CTXND2: variants seen among roughly 807,000 people sequenced by gnomAD.
CTXND2 encodes the protein cortexin domain containing 2.
At chr1:150,890,935 G>C (rs1316189913) in intron 1 of CTXND2, among the ~76,000 whole-genome samples, 2 of 151,968 alleles carry the variant, frequency 1.3e-5, no homozygotes, top group African/African-American at 2.4e-5. Context: ...CTCTTTTCTT[G>C]TTCCAAATAG....
chr1:150,897,343 C>T (rs72704672), intron 1 of CTXND2, among the ~76,000 whole-genome samples: 7,943 of 152,152 alleles, frequency 0.052, 281 homozygotes, highest in Middle Eastern at 0.085. Flanking sequence ...TGGAAATAGG[C>T]CCAAAAGGGG....
chr1:150,900,870 G>A (rs755415885), intron 1 of CTXND2, among the ~76,000 whole-genome samples: 7 of 152,138 alleles, frequency 4.6e-5, no homozygotes, highest in African/African-American at 1.4e-4. Flanking sequence ...GGTGGCTCAC[G>A]CCTGTAATCC....
chr1:150,892,718 T>C (rs375082178), intron 1 of CTXND2, among the ~76,000 whole-genome samples: 12 of 152,072 alleles, frequency 7.9e-5, no homozygotes, highest in African/African-American at 2.7e-4. Context: ...TTTGTAGTTT[T>C]TGTAGAGATG....
rs199515058 is a variant in CTXND2, at chr1:150,901,924, TA to T, written c.-73-10305del. Among the ~76,000 whole-genome samples, 1,355 of 141,524 alleles carry T rather than the reference TA, an allele frequency of 9.6e-3. 5 individuals carry two copies. The highest frequency in any genetic ancestry group is 0.022 in the East Asian group (108 of 4,890). The allele number at this position is 141,524 out of a possible 152,430, so 92.8% of individuals were successfully genotyped here. ...CTGGGCGACAGAGTGAGATTCCATC[TA>T]AAAAAAAAAAAATAAATTCAATGGG... is the stretch of plus-strand genomic sequence containing the variant. On this transcript the variant is annotated intron_variant, in intron 1 of 1. Transcript: ENST00000636087.
chr1:150,888,917 T>C (rs1294935554), intron 1 of CTXND2, among the ~76,000 whole-genome samples: 1 of 151,828 alleles, frequency 6.6e-6, no homozygotes, highest in Non-Finnish European at 1.5e-5. Context: ...TTGCCCAGAC[T>C]GGTCTCGAAT....
intron 1 of CTXND2, among the ~76,000 whole-genome samples, chr1:150,909,589 A>C (rs1277239594): frequency 1.3e-5 from 2 of 152,114 alleles, no homozygotes; most frequent in Non-Finnish European, 2.9e-5. Context: ...GATGAAGTCC[A>C]GTTTCTCTCT....
At chr1:150,887,470 A>T (rs933014424) in intron 1 of CTXND2, among the ~76,000 whole-genome samples, 157 bp downstream of exon 1, 1 of 141,834 alleles carries the variant, frequency 7.1e-6, no homozygotes, top group Non-Finnish European at 1.6e-5. Flanking sequence ...TATTATTATT[A>T]TTTTTAGAGG....
exon 2 of CTXND2, chr1:150,913,144 ATAAATTCATCCT>A (rs2102606715): frequency 6.6e-6 from 1 of 152,300 alleles, no homozygotes; most frequent in South Asian, 2.1e-4. Flanking sequence ...GAATCTCAAG[ATAAATTCATCCT>A]GAATTATCTA....
At chr1:150,889,992 T>C (rs1440860755) in intron 1 of CTXND2, among the ~76,000 whole-genome samples, 2 of 152,040 alleles carry the variant, frequency 1.3e-5, no homozygotes, top group Admixed American at 6.6e-5. Flanking sequence ...TGCTTCCCGA[T>C]ACCTGAAAGA....
chr1:150,904,228 C>T (rs911508431), intron 1 of CTXND2: 8 of 593,206 alleles, frequency 1.3e-5, no homozygotes, highest in Admixed American at 1.9e-5. Flanking sequence ...TGGCCACTGC[C>T]TTATTTATTA....
chr1:150,903,866 T>A (rs1048658177), intron 1 of CTXND2: 1 of 566,848 alleles, frequency 1.8e-6, no homozygotes, highest in Non-Finnish European at 3.4e-6. Context: ...GTAACCTACG[T>A]TGCACCAGTG....
chr1:150,904,342 T>C, intron 1 of CTXND2: 1 of 340,044 alleles, frequency 2.9e-6, no homozygotes, highest in Non-Finnish European at 5.7e-6. Flanking sequence ...TGTCGGACAG[T>C]CCTGATTTAA....
chr1:150,898,331 A>G (rs1175997579), intron 1 of CTXND2, among the ~76,000 whole-genome samples: 7 of 152,124 alleles, frequency 4.6e-5, no homozygotes, highest in African/African-American at 7.2e-5. Flanking sequence ...CTCTAGCCAC[A>G]TTCTGTTAAA....
At chr1:150,902,160 G>A (rs587774113) in intron 1 of CTXND2, among the ~76,000 whole-genome samples, 1 of 152,100 alleles carries the variant, frequency 6.6e-6, no homozygotes, top group East Asian at 1.9e-4. Context: ...CCAGCACTTT[G>A]GGGGGCAGAG....
intron 1 of CTXND2, among the ~76,000 whole-genome samples, chr1:150,892,343 C>A (rs1319562577): frequency 6.6e-6 from 1 of 152,032 alleles, no homozygotes; most frequent in Non-Finnish European, 1.5e-5. Flanking sequence ...ACCAACAATA[C>A]CCACTGTGTT....
intron 1 of CTXND2, among the ~76,000 whole-genome samples, chr1:150,888,219 ATT>A (rs35992777): frequency 1.3e-5 from 1 of 75,136 alleles, no homozygotes. Flanking sequence ...TACCTAATTT[ATT>A]TTTTTTTTTT....
Position 150,893,971 on chromosome 1 carries a change from G to A in CTXND2, c.-74+6658G>A, listed in dbSNP as rs183128707. Among the ~76,000 whole-genome samples, 255 of 144,504 alleles carry A rather than the reference G, an allele frequency of 1.8e-3. 2 individuals carry two copies. Among genetic ancestry groups the A allele is most frequent in the Middle Eastern group, 7.3e-3 (2 of 274 alleles). 94.8% of individuals were successfully genotyped at this position (144,504 alleles called of 152,430 possible). Reference sequence around the variant, plus strand: ...ATATTAACATAGGTGTTTTATATTAGTATCTTTTTTTTCTTTTTTTTTAAC... The same window carrying A: ...ATATTAACATAGGTGTTTTATATTAATATCTTTTTTTTCTTTTTTTTTAAC... On this transcript the variant is annotated intron_variant, in intron 1 of 1. Coordinates refer to ENST00000636087, the Ensembl canonical transcript of CTXND2.
chr1:150,911,799 A>G (rs1249858137), intron 1 of CTXND2, among the ~76,000 whole-genome samples: 2 of 152,208 alleles, frequency 1.3e-5, no homozygotes, highest in Non-Finnish European at 2.9e-5. Flanking sequence ...AGATGTAAGA[A>G]TGACAGCACA....
At chr1:150,905,969 G>A (rs192889199) in intron 1 of CTXND2, among the ~76,000 whole-genome samples, 46 of 150,886 alleles carry the variant, frequency 3.0e-4, no homozygotes, top group African/African-American at 1.0e-3. Flanking sequence ...CAGGCTGGGC[G>A]ACAGAGCGAG....
Sources: gnomAD v4.1 joint callset for allele counts (sites outside exome capture counted in the v4.1 genomes callset) on GRCh38, gnomAD v4.1.1 for gene constraint, MANE v1.5 for transcripts, NCBI Gene and HGNC (gene_info 2026-07-23, HGNC 2026-07-21) for gene names.